Variants in TMEM232 observed in about 807,000 individuals in gnomAD.
TMEM232 encodes the protein transmembrane protein 232.
In TMEM232, 80 loss-of-function variants were observed where a neutral mutation model predicts 78.8. The ratio of observed to expected loss-of-function variants is 1.01; its 90% CI spans 0.85 to 1.22. The LOEUF (loss-of-function observed/expected upper bound fraction) is 1.22, where lower values mean the gene tolerates loss of function less well. Ranked by LOEUF, TMEM232 falls within the 50% of genes most tolerant of loss-of-function variation. The pLI is 0.00. For missense variants in TMEM232, 881 were observed against 742.2 expected, an observed-to-expected ratio of 1.19 and a Z score of -2.17; for synonymous variants, 297 against 254.3, an observed-to-expected ratio of 1.17 and a Z score of -1.60.
intron 1 of TMEM232, among the ~76,000 whole-genome samples, chr5:110,688,928 T>A (rs964897603): frequency 2.0e-5 from 3 of 152,116 alleles, no homozygotes; most frequent in African/African-American, 7.2e-5. Context: ...TCAACCCAGC[T>A]CTCCAGACAC....
At chr5:110,519,701 CA>C (rs771131380) in intron 12 of TMEM232, among the ~76,000 whole-genome samples, 1 of 151,822 alleles carries the variant, frequency 6.6e-6, no homozygotes, top group Non-Finnish European at 1.5e-5. Flanking sequence ...TTACAATAGC[CA>C]AAATTTGGAA....
chr5:110,498,494 C>T (rs1478222256), intron 12 of TMEM232, among the ~76,000 whole-genome samples: 1 of 152,030 alleles, frequency 6.6e-6, no homozygotes, highest in East Asian at 1.9e-4. Context: ...ATTTGAATTA[C>T]CCTTCCAGAG....
At chr5:110,480,481 A>T (rs1487641893) in intron 12 of TMEM232, among the ~76,000 whole-genome samples, 4 of 152,028 alleles carry the variant, frequency 2.6e-5, no homozygotes, top group Non-Finnish European at 4.4e-5. Context: ...TGAGTAAAAG[A>T]TTTAGATTTT....
intron 8 of TMEM232, among the ~76,000 whole-genome samples, chr5:110,618,189 A>T (rs932123409): frequency 7.6e-6 from 1 of 131,506 alleles, no homozygotes; most frequent in Admixed American, 8.2e-5. Flanking sequence ...TGCATTTAAT[A>T]AAAAAAAAAC....
At chr5:110,396,827 T>C (rs1755407425) in intron 3 of TMEM232, among the ~76,000 whole-genome samples, 2 of 152,172 alleles carry the variant, frequency 1.3e-5, no homozygotes, top group South Asian at 4.1e-4. Flanking sequence ...TATTTTTCTT[T>C]CTTTTTTGGT....
intron 12 of TMEM232, among the ~76,000 whole-genome samples, chr5:110,439,924 C>T (rs761579406): frequency 2.0e-4 from 31 of 152,116 alleles, no homozygotes; most frequent in Non-Finnish European, 3.2e-4. Flanking sequence ...TTAGGATCAA[C>T]GTCTTTTCAT....
At chr5:110,591,063 T>C (rs1779466872) in intron 10 of TMEM232, among the ~76,000 whole-genome samples, 1 of 152,136 alleles carries the variant, frequency 6.6e-6, no homozygotes, top group African/African-American at 2.4e-5. Context: ...CTAAACCATA[T>C]CAGGAGTCAT....
At chr5:110,410,001 A>G (rs968918290) in intron 2 of TMEM232, among the ~76,000 whole-genome samples, 2 of 152,138 alleles carry the variant, frequency 1.3e-5, no homozygotes, top group Non-Finnish European at 2.9e-5. Context: ...TTGGCCTGAG[A>G]AGTTGGCAGG....
intron 2 of TMEM232, among the ~76,000 whole-genome samples, chr5:110,643,066 T>C (rs1484700156): frequency 1.3e-5 from 2 of 151,832 alleles, no homozygotes; most frequent in Non-Finnish European, 2.9e-5. Context: ...GGAGAAGAGT[T>C]TGGATAATGG....
rs146117698 is a variant in TMEM232, at chr5:110,721,673, G to GTGTATATATA, written c.-13+4953_-13+4954insTATATATACA. ...GCATATCATGTGTGTGTGTGTGTGT[G>GTGTATATATA]TATATATATATCTGTGTGTGTTAGT... On this transcript the variant is annotated intron_variant, in intron 1 of 13. Transcript: ENST00000455884. 6.2e-4 allele frequency among the ~76,000 whole-genome samples: 22 copies of GTGTATATATA among 35,490 alleles called. 3 individuals carry two copies. Among genetic ancestry groups the GTGTATATATA allele is most frequent in the South Asian group, 3.6e-3 (3 of 828 alleles). 23.3% of individuals were successfully genotyped at this position (35,490 alleles called of 152,430 possible). A position where few individuals can be genotyped will look rare whatever the true frequency, so the allele number is the denominator to read the frequency against.
At chr5:110,484,898 A>G (rs1383388345) in intron 12 of TMEM232, among the ~76,000 whole-genome samples, 4 of 152,024 alleles carry the variant, frequency 2.6e-5, no homozygotes, top group East Asian at 3.9e-4. Context: ...TCAACACCCT[A>G]CTTTCAGCAT....
intron 12 of TMEM232, among the ~76,000 whole-genome samples, chr5:110,427,352 C>T (rs17132122): frequency 0.017 from 2,575 of 152,008 alleles, 67 homozygotes; most frequent in African/African-American, 0.059. Context: ...GCTGCAATAT[C>T]TTTATCATAT....
rs1238999942 is a variant in TMEM232, at chr5:110,559,658, A to G, written c.1455+8789T>C. Among the ~76,000 whole-genome samples, 4 of 152,198 alleles carry G rather than the reference A, an allele frequency of 2.6e-5. No homozygotes were observed. The East Asian group carries it at 7.7e-4, about 29-fold the overall frequency. On this transcript the variant is annotated intron_variant, in intron 11 of 13. Coordinates refer to ENST00000455884, the MANE Select transcript of TMEM232 (RefSeq NM_001039763.4). ...ACATCCATCAGAATGTCTACGTTAAAAAGGCTGAAAATTTTTCAGTATTGG... is the reference window on the plus strand; with the variant it reads ...ACATCCATCAGAATGTCTACGTTAAGAAGGCTGAAAATTTTTCAGTATTGG...
chr5:110,641,446 C>A (rs143478148), intron 3 of TMEM232, among the ~76,000 whole-genome samples: 3 of 152,266 alleles, frequency 2.0e-5, no homozygotes, highest in East Asian at 1.9e-4. Context: ...GATTGTTCCA[C>A]TTCCCTTATT....
At chr5:110,588,757 C>T (rs1779152355) in intron 10 of TMEM232, among the ~76,000 whole-genome samples, 1 of 152,108 alleles carries the variant, frequency 6.6e-6, no homozygotes, top group Non-Finnish European at 1.5e-5. Flanking sequence ...AGTCCTACCT[C>T]TCTGTTGACT....
intron 11 of TMEM232, among the ~76,000 whole-genome samples, chr5:110,546,110 C>T (rs1431701174): frequency 6.6e-6 from 1 of 151,876 alleles, no homozygotes; most frequent in Non-Finnish European, 1.5e-5. Flanking sequence ...TTCAAATATG[C>T]TTATTAAATA....
intron 10 of TMEM232, among the ~76,000 whole-genome samples, chr5:110,578,924 C>T (rs1295162392): frequency 1.3e-5 from 2 of 151,758 alleles, no homozygotes; most frequent in Non-Finnish European, 2.9e-5. Context: ...TTGCACAGTG[C>T]TATACAATTT....
chr5:110,709,728 T>A (rs1032203115), intron 1 of TMEM232, among the ~76,000 whole-genome samples: 2 of 151,960 alleles, frequency 1.3e-5, no homozygotes, highest in African/African-American at 4.8e-5. Flanking sequence ...TGGGATATAA[T>A]GAGAGCAGTA....
chr5:110,428,174 C>G (rs1029707028), intron 12 of TMEM232, among the ~76,000 whole-genome samples: 5 of 151,748 alleles, frequency 3.3e-5, no homozygotes, highest in African/African-American at 9.7e-5. Context: ...CAATCCTACT[C>G]TCTATGTCCA....
Sources: gnomAD v4.1 joint callset for allele counts (sites outside exome capture counted in the v4.1 genomes callset) on GRCh38, gnomAD v4.1.1 for gene constraint, MANE v1.5 for transcripts, NCBI Gene and HGNC (gene_info 2026-07-23, HGNC 2026-07-21) for gene names.